BRCA1: variants seen among roughly 807,000 people sequenced by gnomAD.
BRCA1 encodes BRCA1 DNA repair associated.
Under a neutral mutation model 173.7 loss-of-function variants are expected in BRCA1, and 140 were observed. The ratio of observed to expected loss-of-function variants is 0.81; its 90% CI spans 0.70 to 0.93. The LOEUF is 0.93. Ranked by LOEUF, BRCA1 falls within the 40% of genes least tolerant of loss-of-function variation. BRCA1 has a pLI of 0.00. For missense variants in BRCA1, 1,983 were observed against 2,172.5 expected, an observed-to-expected ratio of 0.91 and a Z score of 1.73; for synonymous variants, 662 against 756.0, an observed-to-expected ratio of 0.88 and a Z score of 2.04.
intron 3 of BRCA1, among the ~76,000 whole-genome samples, chr17:43,113,992 T>A (rs1388606380): frequency 6.6e-6 from 1 of 151,880 alleles, no homozygotes; most frequent in African/African-American, 2.4e-5. Context: ...GGAGAATCGC[T>A]TGAACCCAGG....
At position 43,169,389 on chromosome 17, in the gene BRCA1, G is replaced by C. The variant is rs537567934; in HGVS notation, c.-20+737C>G. On this transcript the variant is annotated intron_variant, in intron 1 of 7. Transcript: ENST00000634433. Reference sequence around the variant, plus strand: ...TCACCACGATGGTCAGGCTGGTCTCGAACTCCTGACCTCGTGATCCATCCG... The same window carrying C: ...TCACCACGATGGTCAGGCTGGTCTCCAACTCCTGACCTCGTGATCCATCCG... Among the ~76,000 whole-genome samples the C allele has an allele frequency of 5.3e-5, 8 of 152,206 alleles. No homozygotes were observed. The East Asian group carries it at 1.4e-3, about 26-fold the overall frequency.
intron 7 of BRCA1, among the ~76,000 whole-genome samples, chr17:43,099,277 T>TC (rs1460391871): frequency 3.5e-5 from 5 of 143,138 alleles, no homozygotes; most frequent in Non-Finnish European, 4.6e-5. Flanking sequence ...TTTTGCTCTC[T>TC]TTTTTTTTTT....
chr17:43,115,219 G>T (rs1350839418), intron 3 of BRCA1, among the ~76,000 whole-genome samples: 1 of 152,092 alleles, frequency 6.6e-6, no homozygotes, highest in African/African-American at 2.4e-5. Context: ...GATAATATAT[G>T]TCAGTCGGGT....
chr17:43,099,465 T>C (rs2154526974), intron 7 of BRCA1, among the ~76,000 whole-genome samples: 2 of 151,734 alleles, frequency 1.3e-5, no homozygotes, highest in East Asian at 2.0e-4. Flanking sequence ...CAGACAGAGT[T>C]TCTCCATGTT....
chr17:43,151,685 T>C (rs2056162859), intron 1 of BRCA1, among the ~76,000 whole-genome samples: 1 of 152,132 alleles, frequency 6.6e-6, no homozygotes, highest in African/African-American at 2.4e-5. Context: ...AGGCCAATAG[T>C]TTGAAACTAG....
intron 1 of BRCA1, among the ~76,000 whole-genome samples, chr17:43,156,093 C>T (rs1215178450): frequency 6.6e-6 from 1 of 151,940 alleles, no homozygotes. Flanking sequence ...AAAAATTAAC[C>T]AGGCATGGTG....
At chr17:43,141,283 A>ATTAGTTATAT (rs1166610139) in intron 1 of BRCA1, among the ~76,000 whole-genome samples, 1 of 152,168 alleles carries the variant, frequency 6.6e-6, no homozygotes, top group Non-Finnish European at 1.5e-5. Context: ...AGTTTTTAGA[A>ATTAGTTATAT]ATATGGTTGG....
At chr17:43,100,558 G>GTATA (rs530582154) in intron 6 of BRCA1, among the ~76,000 whole-genome samples, 3 of 35,914 alleles carry the variant, frequency 8.4e-5, no homozygotes, top group Non-Finnish European at 6.1e-5. Flanking sequence ...GTGTGTGTGT[G>GTATA]TATATATATA....
At chr17:43,102,059 C>T (rs575697016) in intron 6 of BRCA1, among the ~76,000 whole-genome samples, 15 of 151,978 alleles carry the variant, frequency 9.9e-5, no homozygotes, top group African/African-American at 3.4e-4. Flanking sequence ...CATACCACCA[C>T]GCCCAGCTAA....
chr17:43,049,133 G>A lies in BRCA1; in HGVS notation c.5394C>T (p.Phe1798=), dbSNP rs777371808. The A allele has an allele frequency of 1.2e-6, 2 of 1,614,052 alleles. No homozygotes were observed. Among genetic ancestry groups the A allele is most frequent in the South Asian group, 1.1e-5 (1 of 91,084 alleles). Residue 1798 remains phenylalanine (F), a synonymous_variant, in exon 21 of 23, where the codon TTC becomes TTT. Transcript: ENST00000357654. The part of the protein sequence containing the change: ...GASVVKELSS[F]TLGTGVHPIV... The stretch of plus-strand genomic sequence containing the variant: ...ACCCAATACTTACTGTGCCAAGGGT[G>A]AATGATGAAAGCTCCTTCACCACAG...
In BRCA1 at chr17:43,118,446, G is replaced by A. The variant is rs8176088; in HGVS notation, c.81-2667C>T. Among the ~76,000 whole-genome samples, 47,832 of 150,986 alleles carry A rather than the reference G, an allele frequency of 0.32. 7,902 individuals are homozygous for A. The highest frequency in any genetic ancestry group is 0.49 in the South Asian group (2,354 of 4,774). ...GGCTGGAGTGCAGTGGCACCATCTC[G>A]GCTCTCTGTAACCTCCGCCTCCTGA... On this transcript the variant is annotated intron_variant, in intron 2 of 22. Transcript: ENST00000357654.
At chr17:43,135,923 C>T (rs2056018036) in intron 1 of BRCA1, among the ~76,000 whole-genome samples, 1 of 152,232 alleles carries the variant, frequency 6.6e-6, no homozygotes, top group Non-Finnish European at 1.5e-5. Context: ...ACCCTGCTCA[C>T]CTCCAGCTGA....
intron 1 of BRCA1, chr17:43,160,833 AT>A (rs2056231398): frequency 6.6e-6 from 1 of 152,140 alleles, no homozygotes; most frequent in South Asian, 2.1e-4. Context: ...GTGCTGATGC[AT>A]TTTGGTATAC....
chr17:43,089,573 G>GT (rs2053363722), intron 11 of BRCA1, among the ~76,000 whole-genome samples: 1 of 148,584 alleles, frequency 6.7e-6, no homozygotes, highest in East Asian at 2.0e-4. Context: ...TTGAGATGGA[G>GT]TTTCACTCTT....
At position 43,071,083 on chromosome 17, in the gene BRCA1, C is replaced by T. The variant is rs2052400387; in HGVS notation, c.4831G>A (p.Ala1611Thr). 2 of 1,614,010 alleles carry T rather than the reference C, an allele frequency of 1.2e-6. No individual in the cohort carries two copies. Among genetic ancestry groups the T allele is most frequent in the Non-Finnish European group, 1.7e-6 (2 of 1,180,018 alleles). ...KVPQLKVAES[A>T]QSPAAAHTTD... ...GTATGAGCAGCAGCTGGACTCTGGG[C>T]AGATTCTGCAACTTTCAATTGGGGA... Residue 1611 changes from alanine (A) to threonine (T), a missense_variant, in exon 15 of 23, where the codon GCC becomes ACC. Transcript: ENST00000357654.
intron 6 of BRCA1, 70 bp from the exon 7 acceptor site, chr17:43,099,950 C>A: frequency 1.7e-6 from 2 of 1,194,920 alleles, no homozygotes; most frequent in South Asian, 2.4e-5. Flanking sequence ...TGAAGAGAAA[C>A]TTGACACCAT....
chr17:43,050,594 CAG>C (rs2051166176), intron 20 of BRCA1, among the ~76,000 whole-genome samples: 1 of 147,240 alleles, frequency 6.8e-6, no homozygotes, highest in Non-Finnish European at 1.5e-5. Context: ...GCCTGGGCAA[CAG>C]AGACTCGACC....
In BRCA1 at chr17:43,064,237, T is replaced by C. The variant is rs1021096357; in HGVS notation, c.5075-286A>G. Reference sequence around the variant, plus strand: ...ATCTTCTAGACGCCAAGGCTAGCTATAGATCTCCATTATAGTGTTCAAGGA... The same window carrying C: ...ATCTTCTAGACGCCAAGGCTAGCTACAGATCTCCATTATAGTGTTCAAGGA... On this transcript the variant is annotated intron_variant, in intron 16 of 22. Transcript: ENST00000357654. Among the ~76,000 whole-genome samples, 3 of 152,366 alleles carry C rather than the reference T, an allele frequency of 2.0e-5. No individual in the cohort carries two copies. In the East Asian group the frequency reaches 5.8e-4, roughly 29 times the overall value.
chr17:43,149,203 A>G (rs1353546174), intron 1 of BRCA1, among the ~76,000 whole-genome samples: 1 of 148,630 alleles, frequency 6.7e-6, no homozygotes, highest in Non-Finnish European at 1.5e-5. Flanking sequence ...GGTTCATGCC[A>G]TTCTCCTGCC....
Sources: allele counts gnomAD v4.1 joint callset (sites outside exome capture counted in the v4.1 genomes callset), GRCh38; gene constraint gnomAD v4.1.1; transcripts MANE v1.5; gene names NCBI Gene and HGNC (gene_info 2026-07-23, HGNC 2026-07-21).